The following RBMS3 variants were observed in gnomAD, a reference collection of about 807,000 sequenced individuals.
RBMS3 encodes the protein RNA-binding motif, single-stranded-interacting protein 3.
Under a neutral mutation model 66.8 loss-of-function variants are expected in RBMS3, and 27 were observed. The observed-to-expected ratio is 0.40, with a 90% CI of 0.30 to 0.56. The LOEUF (loss-of-function observed/expected upper bound fraction) is 0.56. RBMS3 is among the 20% of genes least tolerant of loss of function. The probability of loss-of-function intolerance (pLI) is 0.40; values close to 1 mark genes in which losing one functional copy is unlikely to be tolerated. For synonymous variants in RBMS3, 188 were observed against 183.0 expected (o/e 1.03, Z -0.22); for missense variants, 513 against 549.5 (o/e 0.93, Z 0.66).
chr3:29,935,410 A>G (rs2061240872), intron 10 of RBMS3, among the ~76,000 whole-genome samples: 1 of 152,148 alleles, frequency 6.6e-6, no homozygotes, highest in South Asian at 2.1e-4. Flanking sequence ...TTTTTAAAAA[A>G]AAATTGTGGA....
intron 4 of RBMS3, among the ~76,000 whole-genome samples, chr3:29,601,750 A>T (rs2048151939): frequency 6.6e-6 from 1 of 152,048 alleles, no homozygotes; most frequent in Non-Finnish European, 1.5e-5. Flanking sequence ...GTGAGGGACA[A>T]AATGCTCTGG....
intron 1 of RBMS3, among the ~76,000 whole-genome samples, chr3:29,429,752 A>G (rs2041108303): frequency 1.3e-5 from 2 of 152,164 alleles, no homozygotes; most frequent in East Asian, 1.9e-4. Context: ...CTGCAGGAAA[A>G]TATTTTTCTT....
chr3:29,904,236 A>G (rs575803742), intron 10 of RBMS3, among the ~76,000 whole-genome samples: 1 of 152,028 alleles, frequency 6.6e-6, no homozygotes, highest in Non-Finnish European at 1.5e-5. Flanking sequence ...AGAAGTGTAT[A>G]GAGTATAAAA....
intron 5 of RBMS3, among the ~76,000 whole-genome samples, chr3:29,742,661 C>G (rs766603821): frequency 6.6e-6 from 1 of 152,146 alleles, no homozygotes; most frequent in Non-Finnish European, 1.5e-5. Context: ...AAATATATCA[C>G]GATTACAATG....
intron 6 of RBMS3, among the ~76,000 whole-genome samples, chr3:29,767,755 C>T (rs900097714): frequency 3.3e-5 from 5 of 151,744 alleles, no homozygotes; most frequent in African/African-American, 1.2e-4. Flanking sequence ...AGTAAAATAT[C>T]GACAACATAT....
intron 1 of RBMS3, among the ~76,000 whole-genome samples, chr3:29,343,429 A>G (rs1575581558): frequency 6.6e-6 from 1 of 152,158 alleles, no homozygotes; most frequent in South Asian, 2.1e-4. Flanking sequence ...TGAGTGAATT[A>G]TTTTTGGATC....
At chr3:29,876,868 C>T (rs1316278589) in intron 7 of RBMS3, among the ~76,000 whole-genome samples, 3 of 151,750 alleles carry the variant, frequency 2.0e-5, no homozygotes, top group Non-Finnish European at 4.4e-5. Context: ...GGTACAAAGG[C>T]ACTTGATCAT....
At chr3:29,480,341 T>C (rs1167907943) in intron 2 of RBMS3, among the ~76,000 whole-genome samples, 1 of 152,144 alleles carries the variant, frequency 6.6e-6, no homozygotes, top group Non-Finnish European at 1.5e-5. Context: ...TTTTGAGAAT[T>C]ATTACTGTAG....
Position 29,729,746 on chromosome 3 carries a change from G to A in RBMS3, c.400-9974G>A, listed in dbSNP as rs142883636. On this transcript the variant is annotated intron_variant, in intron 4 of 14. Transcript: ENST00000383767. ...TATTTCTCTGATGACTAATAATGATGAGAATTTTTTAATTGGGAAAAACTA... is the reference window on the plus strand; with the variant it reads ...TATTTCTCTGATGACTAATAATGATAAGAATTTTTTAATTGGGAAAAACTA... 4.6e-5 allele frequency among the ~76,000 whole-genome samples: 7 copies of A among 152,142 alleles called. No individual in the cohort carries two copies. In the East Asian group the frequency reaches 7.7e-4, roughly 17 times the overall value.
intron 3 of RBMS3, among the ~76,000 whole-genome samples, chr3:29,526,882 A>C: frequency 1.2e-5 from 1 of 80,552 alleles, no homozygotes; most frequent in African/African-American, 7.4e-5. Flanking sequence ...CTCTTCCCTC[A>C]CCCCTCCCTT....
At chr3:29,645,089 G>T (rs1181126240) in intron 4 of RBMS3, among the ~76,000 whole-genome samples, 2 of 152,066 alleles carry the variant, frequency 1.3e-5, no homozygotes, top group African/African-American at 4.8e-5. Context: ...CAAATAAAAA[G>T]AATACCAGTT....
chr3:29,351,139 G>C (rs1196920613), intron 1 of RBMS3, among the ~76,000 whole-genome samples: 1 of 151,838 alleles, frequency 6.6e-6, no homozygotes, highest in South Asian at 2.1e-4. Flanking sequence ...CTTTTTAATA[G>C]CAACGTTGTA....
In RBMS3 at chr3:29,766,669, G is replaced by C. The variant is rs185386749; in HGVS notation, c.637+3680G>C. On this transcript the variant is annotated intron_variant, in intron 6 of 14. Transcript: ENST00000383767. ...GATTGATGTCTTTTAGCATATCCCA[G>C]AACTACCTCTGTTCATTTTAGATTA... 1.6e-4 allele frequency: 25 copies of C among 151,886 alleles called. No individual in the cohort carries two copies. In the East Asian group the frequency reaches 3.3e-3, roughly 20 times the overall value. 9.4% of individuals were successfully genotyped at this position (151,886 alleles called of 1,614,324 possible). A position where few individuals can be genotyped will look rare whatever the true frequency, so the allele number is the denominator to read the frequency against.
intron 12 of RBMS3, among the ~76,000 whole-genome samples, chr3:29,947,229 C>G (rs1319166894): frequency 6.6e-6 from 1 of 151,318 alleles, no homozygotes; most frequent in Non-Finnish European, 1.5e-5. Context: ...CCACAGTGGA[C>G]TTGAGGTGAA....
At chr3:29,318,883 G>T (rs181700819) in intron 1 of RBMS3, among the ~76,000 whole-genome samples, 1 of 151,714 alleles carries the variant, frequency 6.6e-6, no homozygotes, top group Non-Finnish European at 1.5e-5. Context: ...GGGGCATAAA[G>T]GGATCAAAAT....
chr3:30,009,945 T>A lies in RBMS3; in HGVS notation c.*6083T>A, dbSNP rs1220808476. 6.7e-6 allele frequency: 1 copy of A among 149,986 alleles called. No homozygotes were observed. The highest frequency in any genetic ancestry group is 2.5e-5 in the African/African-American group (1 of 40,304). 9.3% of individuals were successfully genotyped at this position (149,986 alleles called of 1,614,324 possible). ...AACTGTAAAAATTATTTCAAAAAGA[T>A]ATTTGAAAAAGTTTTCTCTATTCTG... is the stretch of plus-strand genomic sequence containing the variant. On this transcript the variant is annotated 3_prime_UTR_variant, in exon 15 of 15. Coordinates refer to ENST00000383767, the MANE Select transcript of RBMS3 (RefSeq NM_001003793.3).
chr3:29,351,054 A>G lies in RBMS3; in HGVS notation c.75+69298A>G, dbSNP rs950126732. Among the ~76,000 whole-genome samples the G allele has an allele frequency of 2.0e-5, 3 of 152,090 alleles. No homozygotes were observed. The East Asian group carries it at 5.8e-4, about 29-fold the overall frequency. On this transcript the variant is annotated intron_variant, in intron 1 of 14. Coordinates refer to ENST00000383767, the MANE Select transcript of RBMS3 (RefSeq NM_001003793.3). ...AAGTTATTATAGATATGCCTATACC[A>G]ACTTGCTTACTTGATTTCTTCCCTC...
At chr3:29,751,994 G>A (rs2055204191) in intron 5 of RBMS3, among the ~76,000 whole-genome samples, 1 of 152,190 alleles carries the variant, frequency 6.6e-6, no homozygotes, top group Non-Finnish European at 1.5e-5. Flanking sequence ...TGGCTTAAGT[G>A]TTTAACAGCT....
intron 1 of RBMS3, among the ~76,000 whole-genome samples, chr3:29,375,534 G>A (rs926071937): frequency 6.6e-6 from 1 of 152,116 alleles, no homozygotes; most frequent in African/African-American, 2.4e-5. Flanking sequence ...CCATTAAAAA[G>A]TGAACAAATG....
Sources: allele counts gnomAD v4.1 joint callset (sites outside exome capture counted in the v4.1 genomes callset), GRCh38; gene constraint gnomAD v4.1.1; transcripts MANE v1.5; gene names NCBI Gene and HGNC (gene_info 2026-07-23, HGNC 2026-07-21).